GRAMD2B: variants seen among roughly 807,000 people sequenced by gnomAD.
The protein encoded by GRAMD2B is GRAM domain-containing protein 2B.
A neutral mutation model predicts 59.2 loss-of-function variants in GRAMD2B; 41 were observed. The observed-to-expected ratio is 0.69, with a 90% CI of 0.54 to 0.90. GRAMD2B has a LOEUF of 0.90. GRAMD2B is among the 40% of genes least tolerant of loss of function. The probability of loss-of-function intolerance (pLI) is 0.00; values close to 1 mark genes in which losing one functional copy is unlikely to be tolerated. For synonymous variants in GRAMD2B, 161 were observed against 182.7 expected, an observed-to-expected ratio of 0.88 and a Z score of 0.96; for missense variants, 424 against 500.5, an observed-to-expected ratio of 0.85 and a Z score of 1.46.
intron 1 of GRAMD2B, among the ~76,000 whole-genome samples, chr5:126,376,700 G>A (rs1042269915): frequency 1.3e-5 from 2 of 152,170 alleles, no homozygotes; most frequent in African/African-American, 4.8e-5. Flanking sequence ...CCTGGAAAAT[G>A]AGGTTACTTC....
At chr5:126,393,532 AT>A (rs1355055219) in intron 1 of GRAMD2B, among the ~76,000 whole-genome samples, 1 of 152,200 alleles carries the variant, frequency 6.6e-6, no homozygotes, top group Non-Finnish European at 1.5e-5. Flanking sequence ...CATTTCAAAA[AT>A]CTTCAAAGTT....
chr5:126,393,873 C>T (rs946408279), intron 1 of GRAMD2B, among the ~76,000 whole-genome samples: 10 of 152,118 alleles, frequency 6.6e-5, no homozygotes, highest in African/African-American at 2.4e-4. Context: ...ACCAGGCCTT[C>T]CATGAACCAT....
chr5:126,435,642 A>G (rs929453598), intron 1 of GRAMD2B, among the ~76,000 whole-genome samples: 2 of 152,212 alleles, frequency 1.3e-5, no homozygotes, highest in African/African-American at 4.8e-5. Flanking sequence ...AGAGGGCTGA[A>G]TGACCTGATT....
chr5:126,365,259 T>G lies in GRAMD2B; in HGVS notation c.128+4800T>G, dbSNP rs545833103. On this transcript the variant is annotated intron_variant, in intron 1 of 13. Transcript: ENST00000513040. ...TGCCACTGAACTATATACTTTAAAC[T>G]GACTAAAATAGTAAATTTATGTTAT... is the stretch of plus-strand genomic sequence containing the variant. 5.9e-5 allele frequency among the ~76,000 whole-genome samples: 9 copies of G among 152,240 alleles called. No individual in the cohort carries two copies. In the East Asian group the frequency reaches 1.7e-3, roughly 29 times the overall value.
chr5:126,455,361 C>G (rs1766091808), intron 1 of GRAMD2B, among the ~76,000 whole-genome samples: 1 of 152,152 alleles, frequency 6.6e-6, no homozygotes, highest in African/African-American at 2.4e-5. Context: ...CTAAAAGTAG[C>G]CTTCCCTCAT....
At chr5:126,413,893 A>G (rs547514316) in intron 1 of GRAMD2B, among the ~76,000 whole-genome samples, 1 of 152,212 alleles carries the variant, frequency 6.6e-6, no homozygotes, top group South Asian at 2.1e-4. Context: ...TTCCCCATAG[A>G]TAAGAAAAAT....
chr5:126,425,199 C>A (rs1273688998), intron 1 of GRAMD2B, among the ~76,000 whole-genome samples: 1 of 152,112 alleles, frequency 6.6e-6, no homozygotes, highest in Non-Finnish European at 1.5e-5. Flanking sequence ...ACATTACTCA[C>A]AATAGCCAAG....
chr5:126,420,974 G>A (rs1158142008), upstream of GRAMD2B, among the ~76,000 whole-genome samples: 1 of 152,130 alleles, frequency 6.6e-6, no homozygotes. Flanking sequence ...AGTGAAACAA[G>A]CCAGACACAA....
chr5:126,462,362 A>AC (rs1561559450), intron 1 of GRAMD2B: 1 of 967,582 alleles, frequency 1.0e-6, no homozygotes, highest in African/African-American at 1.8e-5. Context: ...TTCCCCTCCC[A>AC]CGCTGCTCAC....
At chr5:126,433,655 GAGA>G (rs1286758633) in intron 1 of GRAMD2B, 2 of 152,230 alleles carry the variant, frequency 1.3e-5, no homozygotes, top group African/African-American at 4.8e-5. Context: ...CTTAGCAGTA[GAGA>G]AGTTCATTTT....
chr5:126,390,169 G>A (rs766186151), intron 1 of GRAMD2B, among the ~76,000 whole-genome samples: 8 of 152,144 alleles, frequency 5.3e-5, no homozygotes, highest in Non-Finnish European at 1.2e-4. Context: ...GAAATAGGCT[G>A]AACTGAGATG....
chr5:126,395,624 A>G (rs545082999), intron 1 of GRAMD2B, among the ~76,000 whole-genome samples: 9 of 152,344 alleles, frequency 5.9e-5, no homozygotes, highest in Admixed American at 2.0e-4. Context: ...AAAAAAATCT[A>G]TTAGTAAACT....
chr5:126,439,407 A>G (rs184111649), intron 1 of GRAMD2B, among the ~76,000 whole-genome samples: 3 of 147,454 alleles, frequency 2.0e-5, no homozygotes, highest in Non-Finnish European at 4.4e-5. Context: ...GCTCACTGCA[A>G]CCTCCACCTC....
chr5:126,401,104 A>G (rs576153899), intron 1 of GRAMD2B, among the ~76,000 whole-genome samples: 21 of 152,068 alleles, frequency 1.4e-4, no homozygotes, highest in African/African-American at 4.8e-4. Flanking sequence ...TAAATCTCTT[A>G]GGCTTTCTTT....
intron 1 of GRAMD2B, among the ~76,000 whole-genome samples, chr5:126,406,452 C>A (rs941414680): frequency 6.6e-6 from 1 of 151,490 alleles, no homozygotes. Context: ...ATGCATATAC[C>A]CATGTAACTA....
Position 126,472,227 on chromosome 5 carries a change from T to C in GRAMD2B, c.316-11T>C. The C allele has an allele frequency of 1.9e-6, 3 of 1,606,032 alleles. No homozygotes were observed. Among genetic ancestry groups the C allele is most frequent in the Non-Finnish European group, 2.6e-6 (3 of 1,173,658 alleles). ...GAGAATGGTGATGCTTGTATTTTGT[T>C]CTCATTGTAGTACAAGGCCAATATG... On this transcript the variant is annotated splice_polypyrimidine_tract_variant and intron_variant, in intron 3 of 13. Coordinates refer to ENST00000285689, the MANE Select transcript of GRAMD2B (RefSeq NM_023927.4).
chr5:126,407,362 C>T (rs1322492729), intron 1 of GRAMD2B, among the ~76,000 whole-genome samples: 1 of 151,972 alleles, frequency 6.6e-6, no homozygotes, highest in Non-Finnish European at 1.5e-5. Context: ...CAAGACTGTC[C>T]TAAGCAAACC....
At chr5:126,398,872 G>T (rs1217705169) in intron 1 of GRAMD2B, among the ~76,000 whole-genome samples, 1 of 152,162 alleles carries the variant, frequency 6.6e-6, no homozygotes, top group Non-Finnish European at 1.5e-5. Flanking sequence ...TTATTTAGGA[G>T]TGTGTACTTT....
At chr5:126,453,740 T>C (rs1281910564) in intron 1 of GRAMD2B, among the ~76,000 whole-genome samples, 1 of 152,202 alleles carries the variant, frequency 6.6e-6, no homozygotes, top group Non-Finnish European at 1.5e-5. Flanking sequence ...TTTGAAAAAA[T>C]AAGTTTGCAC....
Sources: gnomAD v4.1 joint callset for allele counts (sites outside exome capture counted in the v4.1 genomes callset) on GRCh38, gnomAD v4.1.1 for gene constraint, MANE v1.5 for transcripts, NCBI Gene and HGNC (gene_info 2026-07-23, HGNC 2026-07-21) for gene names.